Variants in DLG2 observed in about 807,000 individuals in gnomAD.
DLG2 encodes the protein disks large homolog 2.
DLG2 carries 45 observed loss-of-function variants against 132.5 expected under a neutral mutation model. The observed-to-expected ratio is 0.34, with a 90% CI of 0.27 to 0.44. The LOEUF (loss-of-function observed/expected upper bound fraction) is 0.44, where lower values mean the gene tolerates loss of function less well. DLG2 is among the 20% of genes least tolerant of loss of function. The pLI is 1.00. For synonymous variants in DLG2, 424 were observed against 419.6 expected (o/e 1.01, Z -0.13); for missense variants, 1,045 against 1,196.9 (o/e 0.87, Z 1.87).
rs375425348 is a variant in DLG2 at position 85,150,323 on chromosome 11, G to A, written c.282+4233C>T. ...GCGTGAGCCACCGTGCCCGGCCTCC[G>A]TTTTTAAATTATTATTGTATCATAA... On this transcript the variant is annotated intron_variant, in intron 5 of 27. Coordinates refer to ENST00000376104, the MANE Select transcript of DLG2 (RefSeq NM_001142699.3). Among the ~76,000 whole-genome samples the A allele has an allele frequency of 1.3e-3, 194 of 151,950 alleles. 5 individuals carry two copies. The South Asian group carries it at 0.033, about 26-fold the overall frequency.
At chr11:83,940,411 C>T (rs926418513) in intron 14 of DLG2, among the ~76,000 whole-genome samples, 1 of 152,088 alleles carries the variant, frequency 6.6e-6, no homozygotes, top group Non-Finnish European at 1.5e-5. Flanking sequence ...TGAAGCTGGC[C>T]CTGTGCTACA....
intron 3 of DLG2, among the ~76,000 whole-genome samples, chr11:85,592,746 T>C (rs2079448372): frequency 6.6e-6 from 1 of 151,174 alleles, no homozygotes; most frequent in Non-Finnish European, 1.5e-5. Context: ...AGCCCAGGAG[T>C]TCAACACCAG....
At chr11:84,091,768 G>A (rs987262974) in intron 10 of DLG2, among the ~76,000 whole-genome samples, 2 of 152,314 alleles carry the variant, frequency 1.3e-5, no homozygotes, top group East Asian at 3.9e-4. Flanking sequence ...TCACGAGGCT[G>A]CATGCACTGA....
At chr11:85,399,414 G>T (rs1431677841) in intron 3 of DLG2, among the ~76,000 whole-genome samples, 1 of 152,110 alleles carries the variant, frequency 6.6e-6, no homozygotes, top group Non-Finnish European at 1.5e-5. Flanking sequence ...TTTCTTCACA[G>T]AATTGGAAAA....
intron 6 of DLG2, among the ~76,000 whole-genome samples, chr11:84,914,736 A>G (rs1262409104): frequency 1.3e-5 from 2 of 152,194 alleles, no homozygotes; most frequent in Non-Finnish European, 1.5e-5. Context: ...CCTAGCATTT[A>G]TTGTGGTTTC....
intron 7 of DLG2, among the ~76,000 whole-genome samples, chr11:84,325,691 C>T (rs960197275): frequency 2.6e-5 from 4 of 152,070 alleles, no homozygotes; most frequent in East Asian, 1.9e-4. Context: ...TATTCATTGA[C>T]GATATTGGTG....
At chr11:84,000,498 C>T (rs1015522535) in intron 11 of DLG2, among the ~76,000 whole-genome samples, 2 of 151,992 alleles carry the variant, frequency 1.3e-5, no homozygotes, top group African/African-American at 4.8e-5. Context: ...GATAATTAGA[C>T]ATCCAGATAC....
intron 4 of DLG2, among the ~76,000 whole-genome samples, chr11:85,229,479 G>T (rs1430734384): frequency 6.6e-6 from 1 of 152,094 alleles, no homozygotes; most frequent in African/African-American, 2.4e-5. Context: ...TCATTAAAAA[G>T]TCAGGAAACA....
At chr11:84,981,604 A>C (rs981434214) in intron 6 of DLG2, among the ~76,000 whole-genome samples, 8 of 152,144 alleles carry the variant, frequency 5.3e-5, no homozygotes, top group African/African-American at 1.9e-4. Context: ...AGCATTCCTA[A>C]AGTCGAGAAA....
At chr11:83,490,409 T>C (rs2093772657) in intron 21 of DLG2, among the ~76,000 whole-genome samples, 1 of 151,950 alleles carries the variant, frequency 6.6e-6, no homozygotes, top group Non-Finnish European at 1.5e-5. Context: ...AAAGAAAAGC[T>C]CTTCTTTAGA....
intron 6 of DLG2, among the ~76,000 whole-genome samples, chr11:84,542,917 G>GGATTTCCTTTAATAA (rs60759401): frequency 0.38 from 57,764 of 151,554 alleles, 11,336 homozygotes; most frequent in South Asian, 0.51. Flanking sequence ...TTACTTTTAG[G>GGATTTCCTTTAATAA]GATTTCTGCA....
At chr11:84,098,270 C>T (rs571802878) in intron 10 of DLG2, among the ~76,000 whole-genome samples, 1 of 152,196 alleles carries the variant, frequency 6.6e-6, no homozygotes, top group Non-Finnish European at 1.5e-5. Context: ...AACTCCTGAC[C>T]TCAAGTGATC....
intron 4 of DLG2, among the ~76,000 whole-genome samples, chr11:85,274,653 C>G (rs1460934707): frequency 1.3e-5 from 2 of 152,164 alleles, no homozygotes; most frequent in Non-Finnish European, 2.9e-5. Context: ...ATTCATTCTA[C>G]CCCAAGTCTA....
intron 4 of DLG2, among the ~76,000 whole-genome samples, chr11:85,233,344 C>T (rs2075401209): frequency 6.6e-6 from 1 of 151,788 alleles, no homozygotes; most frequent in Non-Finnish European, 1.5e-5. Flanking sequence ...ACATCCTGTC[C>T]CAGGATTGAC....
chr11:85,042,337 T>C (rs2061945662), intron 6 of DLG2, among the ~76,000 whole-genome samples: 1 of 151,980 alleles, frequency 6.6e-6, no homozygotes, highest in Non-Finnish European at 1.5e-5. Flanking sequence ...AACTTCAAAC[T>C]TAGTTGTTGT....
intron 7 of DLG2, among the ~76,000 whole-genome samples, chr11:84,324,933 A>T (rs2098423177): frequency 6.6e-6 from 1 of 152,052 alleles, no homozygotes; most frequent in Non-Finnish European, 1.5e-5. Context: ...CAATCTTCAG[A>T]ATTTTCTACC....
Position 83,463,678 on chromosome 11 carries a change from C to T in DLG2, c.2730-1585G>A, listed in dbSNP as rs139544267. On this transcript the variant is annotated intron_variant, in intron 26 of 27. Transcript: ENST00000376104. ...TGGTGGCACATACCTTTAGTCCCAG[C>T]TACTTGGGAGGCTGAGGTGGGAACA... Among the ~76,000 whole-genome samples, 145 of 152,288 alleles carry T rather than the reference C, an allele frequency of 9.5e-4. 2 individuals are homozygous for T. Among genetic ancestry groups the T allele is most frequent in the South Asian group, 9.1e-3 (44 of 4,822 alleles).
chr11:84,987,864 G>C (rs1002070638), intron 6 of DLG2, among the ~76,000 whole-genome samples: 3 of 152,162 alleles, frequency 2.0e-5, no homozygotes, highest in African/African-American at 7.2e-5. Context: ...CTTATGCAAG[G>C]ATTTCATGAC....
chr11:85,391,365 A>C lies in DLG2; in HGVS notation c.41-106000T>G, dbSNP rs116587027. On this transcript the variant is annotated intron_variant, in intron 3 of 27. Coordinates refer to ENST00000376104, the MANE Select transcript of DLG2 (RefSeq NM_001142699.3). The stretch of plus-strand genomic sequence containing the variant: ...CACAGCTGAATTATATCAGACATTC[A>C]AGGAATTGGTACCAATCCCATTGGT... Among the ~76,000 whole-genome samples the C allele has an allele frequency of 2.9e-3, 443 of 152,192 alleles. 1 individual carries two copies. The highest frequency in any genetic ancestry group is 0.01 in the African/African-American group (429 of 41,572).
Sources: allele counts gnomAD v4.1 joint callset (sites outside exome capture counted in the v4.1 genomes callset), GRCh38; gene constraint gnomAD v4.1.1; transcripts MANE v1.5; gene names NCBI Gene and HGNC (gene_info 2026-07-23, HGNC 2026-07-21).